Variants in SYNDIG1 observed in about 807,000 individuals in gnomAD.
SYNDIG1 encodes synapse differentiation inducing 1, also known as synapse differentiation-inducing gene protein 1.
In SYNDIG1, 9 loss-of-function variants were observed where a neutral mutation model predicts 19.4. The ratio of observed to expected loss-of-function variants is 0.46; its 90% CI spans 0.28 to 0.81. SYNDIG1 has a LOEUF of 0.81. SYNDIG1 is among the 30% of genes least tolerant of loss of function. SYNDIG1 has a pLI of 0.12. For synonymous variants in SYNDIG1, 141 were observed against 145.9 expected, an observed-to-expected ratio of 0.97 and a Z score of 0.24; for missense variants, 311 against 343.3, an observed-to-expected ratio of 0.91 and a Z score of 0.74.
chr20:24,579,020 C>T (rs2058278751), intron 2 of SYNDIG1, among the ~76,000 whole-genome samples: 1 of 152,210 alleles, frequency 6.6e-6, no homozygotes, highest in Admixed American at 6.5e-5. Flanking sequence ...GCAAACCGTA[C>T]ATCACAGTAT....
intron 1 of SYNDIG1, among the ~76,000 whole-genome samples, chr20:24,535,750 G>C (rs973708985): frequency 6.6e-6 from 1 of 152,146 alleles, no homozygotes; most frequent in Non-Finnish European, 1.5e-5. Context: ...TCTCGCAGAA[G>C]TGTTTTTTGT....
intron 1 of SYNDIG1, among the ~76,000 whole-genome samples, chr20:24,525,572 C>T (rs900814497): frequency 1.3e-5 from 2 of 152,018 alleles, no homozygotes; most frequent in African/African-American, 4.8e-5. Flanking sequence ...GCGTGAGCCA[C>T]CATGCCCAGC....
At chr20:24,477,800 A>G (rs2055677846) in intron 1 of SYNDIG1, among the ~76,000 whole-genome samples, 1 of 152,046 alleles carries the variant, frequency 6.6e-6, no homozygotes, top group South Asian at 2.1e-4. Flanking sequence ...TTCAGGGGAG[A>G]CTGAGGCTGG....
At chr20:24,558,917 T>G (rs1662038238) in intron 2 of SYNDIG1, among the ~76,000 whole-genome samples, 1 of 152,204 alleles carries the variant, frequency 6.6e-6, no homozygotes, top group South Asian at 2.1e-4. Context: ...CAATTATGTC[T>G]TTTAAAAATT....
chr20:24,594,318 C>T (rs867187485), intron 3 of SYNDIG1, among the ~76,000 whole-genome samples: 2 of 152,104 alleles, frequency 1.3e-5, no homozygotes, highest in Non-Finnish European at 2.9e-5. Flanking sequence ...CTTGTTTTGT[C>T]GACTTTGTCG....
rs148852585 is a variant in SYNDIG1 at position 24,513,131 on chromosome 20, A to G, written c.-78-29889A>G. ...CACACCAAAACCCCATCTGTATATCACCATCATCAAAGAACAAAGGTAGAT... is the reference window on the plus strand; with the variant it reads ...CACACCAAAACCCCATCTGTATATCGCCATCATCAAAGAACAAAGGTAGAT... On this transcript the variant is annotated intron_variant, in intron 1 of 3. Coordinates refer to ENST00000376862, the MANE Select transcript of SYNDIG1 (RefSeq NM_024893.3). 5.4e-3 allele frequency among the ~76,000 whole-genome samples: 825 copies of G among 152,330 alleles called. 8 individuals are homozygous for G. Among genetic ancestry groups the G allele is most frequent in the African/African-American group, 0.019 (780 of 41,574 alleles).
intron 3 of SYNDIG1, among the ~76,000 whole-genome samples, chr20:24,631,210 C>T (rs978853738): frequency 3.3e-5 from 5 of 152,232 alleles, no homozygotes; most frequent in Admixed American, 6.5e-5. Flanking sequence ...AATTAGAGAA[C>T]AGGCTCAGAA....
At chr20:24,535,208 C>T (rs1008774580) in intron 1 of SYNDIG1, among the ~76,000 whole-genome samples, 3 of 152,134 alleles carry the variant, frequency 2.0e-5, no homozygotes, top group Admixed American at 6.6e-5. Context: ...AGTTGTTTGC[C>T]GATGTTTTCT....
intron 1 of SYNDIG1, among the ~76,000 whole-genome samples, chr20:24,488,319 G>A (rs1489539258): frequency 6.6e-6 from 1 of 152,232 alleles, no homozygotes; most frequent in African/African-American, 2.4e-5. Flanking sequence ...TGAACCAGAC[G>A]TGAGAGCCAA....
intron 1 of SYNDIG1, among the ~76,000 whole-genome samples, chr20:24,476,405 C>A (rs569784798): frequency 6.6e-6 from 1 of 152,058 alleles, no homozygotes; most frequent in Admixed American, 6.5e-5. Flanking sequence ...CGGTGGCTTA[C>A]GCCTGTAATC....
intron 3 of SYNDIG1, 25 bp downstream of exon 3, chr20:24,585,018 C>A: frequency 2.3e-6 from 2 of 855,776 alleles, no homozygotes; most frequent in East Asian, 4.2e-5. Context: ...GTCTGTCGCA[C>A]GTGGTGTGCA....
At chr20:24,558,362 G>A (rs2057868887) in intron 2 of SYNDIG1, among the ~76,000 whole-genome samples, 1 of 152,034 alleles carries the variant, frequency 6.6e-6, no homozygotes, top group Non-Finnish European at 1.5e-5. Flanking sequence ...TATTAACATA[G>A]CCACTCTTTC....
chr20:24,480,656 TGA>T (rs1421775173), intron 1 of SYNDIG1, among the ~76,000 whole-genome samples: 1 of 152,196 alleles, frequency 6.6e-6, no homozygotes, highest in Non-Finnish European at 1.5e-5. Flanking sequence ...AGCAGAGTCT[TGA>T]AGAGATATGC....
chr20:24,569,396 A>G (rs543499815), intron 2 of SYNDIG1, among the ~76,000 whole-genome samples: 1 of 152,114 alleles, frequency 6.6e-6, no homozygotes, highest in South Asian at 2.1e-4. Context: ...ATCACATATG[A>G]TTAATTCACT....
intron 3 of SYNDIG1, among the ~76,000 whole-genome samples, chr20:24,588,617 C>T (rs1381331426): frequency 2.0e-5 from 3 of 152,082 alleles, no homozygotes; most frequent in Non-Finnish European, 2.9e-5. Context: ...CGGGAGGGGC[C>T]GTGGTGACCT....
chr20:24,643,418 G>T (rs770842812), intron 3 of SYNDIG1, among the ~76,000 whole-genome samples: 3 of 152,182 alleles, frequency 2.0e-5, no homozygotes, highest in African/African-American at 7.2e-5. Context: ...GTGTTCATGA[G>T]AAGTAACTTT....
chr20:24,527,855 C>G (rs1306592931), intron 1 of SYNDIG1, among the ~76,000 whole-genome samples: 2 of 152,150 alleles, frequency 1.3e-5, no homozygotes, highest in South Asian at 2.1e-4. Flanking sequence ...AGCCTGGCAA[C>G]CTGGGGCTTA....
rs1371767208 is a variant in SYNDIG1 at position 24,591,734 on chromosome 20, AT to A, written c.618+6743del. Among the ~76,000 whole-genome samples, 4 of 152,190 alleles carry A rather than the reference AT, an allele frequency of 2.6e-5. No individual in the cohort carries two copies. In the East Asian group the frequency reaches 7.7e-4, roughly 29 times the overall value. The stretch of plus-strand genomic sequence containing the variant: ...TTCTTGGGGCAGATGCAGATGAGGT[AT>A]TAGGCTGCGAGAGTCATGTAGCTGT... On this transcript the variant is annotated intron_variant, in intron 3 of 3. Transcript: ENST00000376862.
chr20:24,544,259 G>A (rs887819812), intron 2 of SYNDIG1, among the ~76,000 whole-genome samples: 7 of 152,160 alleles, frequency 4.6e-5, no homozygotes, highest in Middle Eastern at 3.2e-3. Flanking sequence ...GGACAGCACC[G>A]GTGAGAGGGT....
Sources: gnomAD v4.1 joint callset for allele counts (sites outside exome capture counted in the v4.1 genomes callset) on GRCh38, gnomAD v4.1.1 for gene constraint, MANE v1.5 for transcripts, NCBI Gene and HGNC (gene_info 2026-07-23, HGNC 2026-07-21) for gene names.